The following CFAP46 variants were observed in gnomAD, a reference collection of about 807,000 sequenced individuals.
The protein encoded by CFAP46 is cilia- and flagella-associated protein 46.
In CFAP46, 245 loss-of-function variants were observed where a neutral mutation model predicts 325.7. The observed-to-expected ratio is 0.75, with a 90% CI of 0.68 to 0.84. CFAP46 has a LOEUF of 0.84. Among genes scored for constraint, CFAP46 ranks in the 40% least tolerant of loss-of-function variants. The pLI is 0.00. For synonymous variants in CFAP46, 1,523 were observed against 1,495.9 expected, an observed-to-expected ratio of 1.02 and a Z score of -0.42; for missense variants, 3,346 against 3,543.0, an observed-to-expected ratio of 0.94 and a Z score of 1.41.
chr10:132,872,067 A>T (rs1848902105), intron 32 of CFAP46, among the ~76,000 whole-genome samples: 1 of 152,242 alleles, frequency 6.6e-6, no homozygotes. Context: ...AATAGACTAC[A>T]GAATAGTGTA....
chr10:132,838,375 C>T (rs554825673), intron 44 of CFAP46, among the ~76,000 whole-genome samples: 1 of 152,374 alleles, frequency 6.6e-6, no homozygotes, highest in East Asian at 1.9e-4. Flanking sequence ...CAGAAAGTGG[C>T]GTAAAAGCCC....
chr10:132,879,128 C>T (rs1289705103), intron 29 of CFAP46, among the ~76,000 whole-genome samples: 5 of 152,142 alleles, frequency 3.3e-5, no homozygotes, highest in African/African-American at 7.2e-5. Context: ...TCAGGGAGGA[C>T]CGGCTGATCT....
In CFAP46 at chr10:132,913,198, G is replaced by C. The variant is rs556772478; in HGVS notation, c.2181C>G (p.Ile727Met). 2.6e-6 allele frequency: 4 copies of C among 1,550,360 alleles called. No individual in the cohort carries two copies. The highest frequency in any genetic ancestry group is 2.0e-5 in the Admixed American group (1 of 50,990). ...AMNNWLRSAE[I>M]GQEIQEAWIV... is the part of the protein sequence containing the mutation. Reference sequence around the variant, plus strand: ...TCCACGCCTCCTGGATCTCCTGTCCGATCTCTGCGGAGCGCAGCCAGTTAT... The same window carrying C: ...TCCACGCCTCCTGGATCTCCTGTCCCATCTCTGCGGAGCGCAGCCAGTTAT... The change falls in exon 18 of 58, where the codon ATC (isoleucine) becomes ATG (methionine). Residue 727 changes from isoleucine to methionine, a missense_variant. Ile to Met is a conservative substitution (Grantham distance 10). Transcript: ENST00000368586.
chr10:132,888,353 CT>C (rs1455546632), intron 25 of CFAP46, among the ~76,000 whole-genome samples: 1 of 96,222 alleles, frequency 1.0e-5, no homozygotes, highest in Non-Finnish European at 2.1e-5. Flanking sequence ...ACCTTCACCC[CT>C]GCCGCCTGCA....
chr10:132,824,044 A>T (rs1174491181), intron 50 of CFAP46, among the ~76,000 whole-genome samples: 8 of 70,944 alleles, frequency 1.1e-4, no homozygotes, highest in Middle Eastern at 0.021. Context: ...ATGTGTGCTG[A>T]TGTGTGCTGT....
intron 44 of CFAP46, among the ~76,000 whole-genome samples, chr10:132,843,819 G>A (rs1192959176): frequency 1.1e-5 from 1 of 89,774 alleles, no homozygotes; most frequent in Non-Finnish European, 2.4e-5. Context: ...GTGTTCCCAG[G>A]GTGCTGTGGG....
chr10:132,844,914 C>T (rs1323018549), intron 44 of CFAP46, among the ~76,000 whole-genome samples: 4 of 152,124 alleles, frequency 2.6e-5, no homozygotes, highest in Non-Finnish European at 4.4e-5. Flanking sequence ...TATTCACAGG[C>T]ACTATCATGG....
intron 35 of CFAP46, among the ~76,000 whole-genome samples, chr10:132,862,232 C>A (rs999291514): frequency 1.3e-5 from 2 of 152,100 alleles, no homozygotes; most frequent in African/African-American, 4.8e-5. Context: ...GAGGGGGAGG[C>A]CCTTCGTGGC....
chr10:132,899,590 T>G lies in CFAP46; in HGVS notation c.3001A>C (p.Lys1001Gln), dbSNP rs1262581906. 6.5e-7 allele frequency: 1 copy of G among 1,549,976 alleles called. No individual in the cohort carries two copies. Among genetic ancestry groups the G allele is most frequent in the South Asian group, 1.2e-5 (1 of 84,024 alleles). Residue 1001 changes from lysine to glutamine, a missense_variant, in exon 23 of 58, where the codon AAG (lysine) becomes CAG (glutamine). Lys to Gln is a moderately conservative substitution (Grantham distance 53). Transcript: ENST00000368586. ...IQGRSIMENL[K>Q]GRKQLRLVAA... ...ACCAGTCGCAGCTGCTTCCGGCCCT[T>G]CAGGTTTTCCATGATGCTCCTGCCC...
chr10:132,829,368 T>C (rs1278870900), intron 50 of CFAP46, among the ~76,000 whole-genome samples: 1 of 152,270 alleles, frequency 6.6e-6, no homozygotes, highest in Non-Finnish European at 1.5e-5. Context: ...GTTAGTTATA[T>C]AGAAATGCAA....
intron 39 of CFAP46, 148 bp downstream of exon 39, chr10:132,857,442 T>C: frequency 1.3e-6 from 1 of 742,420 alleles, no homozygotes; most frequent in Non-Finnish European, 2.2e-6. Flanking sequence ...GTTTGTTTTT[T>C]TGTTGTTTCA....
Position 132,940,982 on chromosome 10 carries a change from T to G in CFAP46, c.371+14A>C. On this transcript the variant is annotated intron_variant, in intron 4 of 57. Transcript: ENST00000368586. Reference sequence around the variant, plus strand: ...ACCCAGTCAGTGAGAAACGGCCACTTCAATTTTGCCTACCTCGGTTCTCCT... The same window carrying G: ...ACCCAGTCAGTGAGAAACGGCCACTGCAATTTTGCCTACCTCGGTTCTCCT... 1.2e-6 allele frequency: 2 copies of G among 1,614,052 alleles called. No individual in the cohort carries two copies. Among genetic ancestry groups the G allele is most frequent in the Non-Finnish European group, 1.7e-6 (2 of 1,179,912 alleles).
In CFAP46 at chr10:132,884,030, G is replaced by A. The variant is rs754892671; in HGVS notation, c.3627+1073C>T. ...ACAAAGACAACTGAAGGAAGGACTC[G>A]GGTAAGTGAAGACAGAAAACACTTT... On this transcript the variant is annotated intron_variant, in intron 27 of 57. Transcript: ENST00000368586. This position sits in a 1 kb window ranked among gnomAD's most constrained non-coding sequence, Gnocchi z 5.4. Among the ~76,000 whole-genome samples, 5 of 152,292 alleles carry A rather than the reference G, an allele frequency of 3.3e-5. No individual in the cohort carries two copies. The highest frequency in any genetic ancestry group is 2.1e-4 in the South Asian group (1 of 4,830).
At chr10:132,925,456 G>C (rs1274369659) in intron 10 of CFAP46, among the ~76,000 whole-genome samples, 1 of 152,240 alleles carries the variant, frequency 6.6e-6, no homozygotes, top group African/African-American at 2.4e-5. Flanking sequence ...TTGGCTGCTG[G>C]GTCTGAAAGC....
intron 24 of CFAP46, among the ~76,000 whole-genome samples, chr10:132,897,460 G>A (rs1160396486): frequency 7.2e-5 from 11 of 152,302 alleles, no homozygotes; most frequent in African/African-American, 2.2e-4. Context: ...CACAGGCCCC[G>A]CCGCACACCG....
At chr10:132,931,075 C>T (rs1253283362) in intron 8 of CFAP46, among the ~76,000 whole-genome samples, 6 of 101,084 alleles carry the variant, frequency 5.9e-5, no homozygotes, top group South Asian at 4.7e-4. Flanking sequence ...CCCTCCTCTC[C>T]ACACAGAGCC....
At chr10:132,926,747 T>A in intron 9 of CFAP46, 81 bp from the exon 10 acceptor site, 1 of 1,019,688 alleles carries the variant, frequency 9.8e-7, no homozygotes, top group Non-Finnish European at 1.5e-6. Flanking sequence ...CAAAGGCATT[T>A]AAAATATTAC....
chr10:132,834,132 C>A lies in CFAP46; in HGVS notation c.6867-9G>T. ...CCGCAGGTGTCTGCACTCTGAAAGT[C>A]AGGTTATATATTCGGGTTTAAGAAA... is the stretch of plus-strand genomic sequence containing the variant. On this transcript the variant is annotated splice_polypyrimidine_tract_variant and intron_variant, in intron 48 of 57. Coordinates refer to ENST00000368586, the MANE Select transcript of CFAP46 (RefSeq NM_001200049.3). 6.2e-7 allele frequency: 1 copy of A among 1,613,722 alleles called. No individual in the cohort carries two copies. Among genetic ancestry groups the A allele is most frequent in the Non-Finnish European group, 8.5e-7 (1 of 1,179,780 alleles).
intron 55 of CFAP46, 97 bp from the exon 56 acceptor site, chr10:132,811,128 AG>A (rs1254454340): frequency 9.6e-6 from 10 of 1,044,706 alleles, no homozygotes; most frequent in Non-Finnish European, 1.4e-5. Flanking sequence ...AGGGCGCAGC[AG>A]GGCATGGCAC....
Sources: allele counts gnomAD v4.1 joint callset (sites outside exome capture counted in the v4.1 genomes callset), GRCh38; gene constraint gnomAD v4.1.1; non-coding constraint Gnocchi (gnomAD v3.1); transcripts MANE v1.5; gene names NCBI Gene and HGNC (gene_info 2026-07-23, HGNC 2026-07-21).